Variants in MTCH2 observed in about 807,000 individuals in gnomAD.
MTCH2 encodes the protein mitochondrial carrier homolog 2.
Under a neutral mutation model 50.6 loss-of-function variants are expected in MTCH2, and 25 were observed. The ratio of observed to expected loss-of-function variants is 0.49; its 90% CI spans 0.36 to 0.69. The LOEUF is 0.69. Among genes scored for constraint, MTCH2 ranks in the 30% least tolerant of loss-of-function variants. The pLI is 0.00. For missense variants in MTCH2, 273 were observed against 384.4 expected (o/e 0.71, Z 2.42); for synonymous variants, 106 against 132.0 (o/e 0.80, Z 1.35).
At chr11:47,633,114 C>CTTT (rs11394531) in intron 5 of MTCH2, among the ~76,000 whole-genome samples, 6 of 134,552 alleles carry the variant, frequency 4.5e-5, no homozygotes, top group East Asian at 2.2e-4. Context: ...TGTATCCCTG[C>CTTT]TTTTTTTTTT....
In MTCH2 at chr11:47,642,436, C is replaced by T. The variant is rs760229691; in HGVS notation, c.30G>A (p.Leu10=). ...GGGACAGGATGGTGAGACCGGAGCCCAGGAGCACCTGACTGGCCGCGTCCG... is the reference window on the plus strand; with the variant it reads ...GGGACAGGATGGTGAGACCGGAGCCTAGGAGCACCTGACTGGCCGCGTCCG... The part of the protein sequence containing the change: MADAASQVL[L]GSGLTILSQP... The change falls in exon 1 of 13, where the codon CTG becomes CTA. Residue 10 remains leucine, a synonymous_variant. Transcript: ENST00000302503. The T allele has an allele frequency of 2.5e-6, 4 of 1,606,556 alleles. No homozygotes were observed. In the East Asian group the frequency reaches 6.8e-5, roughly 27 times the overall value.
chr11:47,639,556 G>A (rs556023913), intron 1 of MTCH2, among the ~76,000 whole-genome samples: 7 of 152,266 alleles, frequency 4.6e-5, no homozygotes, highest in South Asian at 4.2e-4. Flanking sequence ...ACAGGCTGTC[G>A]GTCGGGCGCA....
At chr11:47,608,362 GAGA>G in the MTCH2 span, among the ~76,000 whole-genome samples, 1 of 120,620 alleles carries the variant, frequency 8.3e-6, no homozygotes, top group Non-Finnish European at 1.7e-5. Flanking sequence ...CCAAGGAGAG[GAGA>G]AGAACTTGCA....
downstream of MTCH2, among the ~76,000 whole-genome samples, chr11:47,616,667 T>C (rs986094900): frequency 2.0e-5 from 3 of 151,314 alleles, no homozygotes; most frequent in African/African-American, 7.3e-5. Context: ...TTCTTGCATG[T>C]GTTTCTTTTT....
chr11:47,620,080 C>T (rs2097291857), intron 12 of MTCH2, among the ~76,000 whole-genome samples: 1 of 149,776 alleles, frequency 6.7e-6, no homozygotes, highest in Admixed American at 6.7e-5. Context: ...CCGTCTCAAA[C>T]AAAACAAAAC....
chr11:47,640,779 A>ATAGC (rs1420028694), intron 1 of MTCH2, among the ~76,000 whole-genome samples: 1 of 152,184 alleles, frequency 6.6e-6, no homozygotes, highest in Non-Finnish European at 1.5e-5. Flanking sequence ...GCTACTTGGC[A>ATAGC]ACACATAGAT....
chr11:47,608,280 A>G, the MTCH2 span, among the ~76,000 whole-genome samples: 1 of 152,232 alleles, frequency 6.6e-6, no homozygotes. Flanking sequence ...TGCTGAATCT[A>G]TATAATTCCT....
At chr11:47,613,504 A>G (rs755570954), downstream of MTCH2, among the ~76,000 whole-genome samples, 2 of 152,180 alleles carry the variant, frequency 1.3e-5, no homozygotes, top group Admixed American at 6.5e-5. Context: ...GTTACCAGCC[A>G]AATGTCTTAG....
chr11:47,616,423 T>C (rs1190318819), downstream of MTCH2, among the ~76,000 whole-genome samples: 1 of 151,542 alleles, frequency 6.6e-6, no homozygotes, highest in African/African-American at 2.4e-5. Flanking sequence ...CTTGGGTCAC[T>C]GCAACCTCCA....
chr11:47,625,381 C>A (rs1467459820), intron 11 of MTCH2, among the ~76,000 whole-genome samples: 3 of 149,278 alleles, frequency 2.0e-5, no homozygotes, highest in African/African-American at 7.4e-5. Context: ...CGAGATCATG[C>A]TACTGCACTC....
At chr11:47,630,896 G>A (rs2097302390) in intron 7 of MTCH2, 140 bp downstream of exon 7, 2 of 798,250 alleles carry the variant, frequency 2.5e-6, no homozygotes, top group Non-Finnish European at 2.0e-6. Context: ...CCATTTTATT[G>A]TTTTTTGTGC....
At chr11:47,624,364 A>C (rs1157098112) in intron 11 of MTCH2, among the ~76,000 whole-genome samples, 3 of 152,144 alleles carry the variant, frequency 2.0e-5, no homozygotes, top group Non-Finnish European at 4.4e-5. Flanking sequence ...AAGGTCATCA[A>C]ACTTTCCATA....
chr11:47,614,324 T>C (rs7103092), downstream of MTCH2, among the ~76,000 whole-genome samples: 150,327 of 152,292 alleles, frequency 0.99, 74,218 homozygotes, highest in Middle Eastern at 1. Flanking sequence ...ATGCCTATCC[T>C]ACCAAAAAAT....
chr11:47,621,280 T>C (rs1367598439), intron 12 of MTCH2, among the ~76,000 whole-genome samples: 1 of 152,232 alleles, frequency 6.6e-6, no homozygotes, highest in Non-Finnish European at 1.5e-5. Flanking sequence ...TCACTAGTGC[T>C]ATAAAATAAT....
intron 11 of MTCH2, among the ~76,000 whole-genome samples, chr11:47,625,065 G>A (rs1844357488): frequency 6.6e-6 from 1 of 151,984 alleles, no homozygotes; most frequent in Admixed American, 6.6e-5. Context: ...TCCAGCCTGG[G>A]TGACAGAGTG....
In MTCH2 at chr11:47,631,091, T is replaced by C; in HGVS notation, c.428-4A>G. The C allele has an allele frequency of 3.1e-6, 5 of 1,611,366 alleles. No homozygotes were observed. Among genetic ancestry groups the C allele is most frequent in the African/African-American group, 1.3e-5 (1 of 74,940 alleles). Reference sequence around the variant, plus strand: ...ACCATAGATCTCAGAGTGATCACTGTGGAATATAGAGAAAAGATGTTTACA... The same window carrying C: ...ACCATAGATCTCAGAGTGATCACTGCGGAATATAGAGAAAAGATGTTTACA... On this transcript the variant is annotated splice_polypyrimidine_tract_variant and splice_region_variant and intron_variant, in intron 6 of 12. Coordinates refer to ENST00000302503, the MANE Select transcript of MTCH2 (RefSeq NM_014342.4).
At chr11:47,623,792 C>G (rs1014834662) in intron 11 of MTCH2, among the ~76,000 whole-genome samples, 1 of 152,194 alleles carries the variant, frequency 6.6e-6, no homozygotes, top group African/African-American at 2.4e-5. Flanking sequence ...TGGCTCACGC[C>G]TGTAATCCCA....
Position 47,642,507 on chromosome 11 carries a change from A to T in MTCH2, c.-42T>A, listed in dbSNP as rs1369834760. ...GGACGGACAGACAGACGGAGCCACC[A>T]AGCGACCCGGTGAGCCGGTCCTAGG... On this transcript the variant is annotated 5_prime_UTR_variant, in exon 1 of 13. Coordinates refer to ENST00000302503, the MANE Select transcript of MTCH2 (RefSeq NM_014342.4). The T allele has an allele frequency of 6.5e-7, 1 of 1,541,162 alleles. No individual in the cohort carries two copies. Among genetic ancestry groups the T allele is most frequent in the East Asian group, 2.5e-5 (1 of 40,150 alleles).
At chr11:47,614,334 T>C (rs902590587), downstream of MTCH2, among the ~76,000 whole-genome samples, 2 of 152,176 alleles carry the variant, frequency 1.3e-5, no homozygotes, top group African/African-American at 4.8e-5. Context: ...TACCAAAAAA[T>C]CATGACAATT....
Sources: gnomAD v4.1 joint callset for allele counts (sites outside exome capture counted in the v4.1 genomes callset) on GRCh38, gnomAD v4.1.1 for gene constraint, MANE v1.5 for transcripts, NCBI Gene and HGNC (gene_info 2026-07-23, HGNC 2026-07-21) for gene names.